ELAPOR1: variants seen among roughly 807,000 people sequenced by gnomAD.
ELAPOR1 encodes the protein endosome-lysosome associated apoptosis and autophagy regulator 1, also known as endosome/lysosome-associated apoptosis and autophagy regulator 1.
A neutral mutation model predicts 119.7 loss-of-function variants in ELAPOR1; 77 were observed. That is an observed-to-expected ratio of 0.64 (90% CI 0.54 to 0.78). The LOEUF (loss-of-function observed/expected upper bound fraction) is 0.78. Among genes scored for constraint, ELAPOR1 ranks in the 30% least tolerant of loss-of-function variants. The pLI, the probability that ELAPOR1 is intolerant of heterozygous loss-of-function variation, is 0.00. For missense variants in ELAPOR1, 1,115 were observed against 1,270.4 expected (o/e 0.88, Z 1.86); for synonymous variants, 481 against 487.2 (o/e 0.99, Z 0.17).
intron 18 of ELAPOR1, 36 bp from the exon 19 acceptor site, chr1:109,199,818 C>A: frequency 6.2e-7 from 1 of 1,603,012 alleles, no homozygotes; most frequent in Non-Finnish European, 8.5e-7. Context: ...ACCCCTCCAG[C>A]GAGTGAGAGC....
intron 1 of ELAPOR1, among the ~76,000 whole-genome samples, chr1:109,122,160 G>C (rs1648468677): frequency 6.7e-6 from 1 of 150,290 alleles, no homozygotes; most frequent in Non-Finnish European, 1.5e-5. Flanking sequence ...GCCTGTGCCT[G>C]TCGGGTTCAA....
chr1:109,161,377 T>C (rs961261071), intron 1 of ELAPOR1, among the ~76,000 whole-genome samples: 6 of 121,402 alleles, frequency 4.9e-5, no homozygotes, highest in Non-Finnish European at 6.3e-5. Context: ...CCCACTGCAC[T>C]CCAGCCTGGG....
intron 8 of ELAPOR1, 141 bp from the exon 9 acceptor site, chr1:109,188,036 C>T: frequency 7.0e-7 from 1 of 1,425,378 alleles, no homozygotes; most frequent in Non-Finnish European, 9.2e-7. Flanking sequence ...ATCCGTGAGC[C>T]ACACAAAGTT....
At chr1:109,194,298 C>A in intron 14 of ELAPOR1, 123 bp from the exon 15 acceptor site, 3 of 774,566 alleles carry the variant, frequency 3.9e-6, no homozygotes, top group Non-Finnish European at 6.3e-6. Flanking sequence ...ACTCCTAATC[C>A]TTTCTTCCTC....
intron 7 of ELAPOR1, 68 bp from the exon 8 acceptor site, chr1:109,184,977 C>A (rs2101094477): frequency 8.2e-7 from 1 of 1,215,680 alleles, no homozygotes. Flanking sequence ...GTCACAGGGC[C>A]ATGAAGAGGC....
At chr1:109,153,691 G>C (rs563248751) in intron 1 of ELAPOR1, among the ~76,000 whole-genome samples, 2 of 152,180 alleles carry the variant, frequency 1.3e-5, no homozygotes, top group East Asian at 3.9e-4. Flanking sequence ...CCAGGCTGGA[G>C]TGCAATGGTG....
intron 1 of ELAPOR1, among the ~76,000 whole-genome samples, chr1:109,154,847 A>G (rs1475508105): frequency 6.6e-6 from 1 of 152,164 alleles, no homozygotes; most frequent in Non-Finnish European, 1.5e-5. Flanking sequence ...AACCACCATC[A>G]CTTGGAAGAG....
chr1:109,174,407 T>C (rs1228140589), intron 7 of ELAPOR1, among the ~76,000 whole-genome samples: 10 of 68,250 alleles, frequency 1.5e-4, no homozygotes, highest in Admixed American at 5.6e-4. Flanking sequence ...AGTAAGACCC[T>C]GTCTCTAAAA....
intron 14 of ELAPOR1, among the ~76,000 whole-genome samples, chr1:109,193,193 C>A (rs1653560814): frequency 6.6e-6 from 1 of 152,064 alleles, no homozygotes; most frequent in South Asian, 2.1e-4. Flanking sequence ...TGGGGTGAGG[C>A]CTGTGGCTTA....
At position 109,173,841 on chromosome 1, in the gene ELAPOR1, A is replaced by G; in HGVS notation, c.952+4A>G. 6.2e-7 allele frequency: 1 copy of G among 1,613,680 alleles called. No homozygotes were observed. Among genetic ancestry groups the G allele is most frequent in the Non-Finnish European group, 8.5e-7 (1 of 1,179,802 alleles). On this transcript the variant is annotated splice_donor_region_variant and intron_variant, in intron 7 of 21. Transcript: ENST00000369939. ...TGTGACCCTGACAAATACTCAGGTG[A>G]TGTTTCTGAGGGTGGGAAGAGTTTG...
chr1:109,157,285 T>C (rs1177471208), intron 1 of ELAPOR1, among the ~76,000 whole-genome samples: 1 of 152,198 alleles, frequency 6.6e-6, no homozygotes, highest in Non-Finnish European at 1.5e-5. Context: ...GCTGTGTGGC[T>C]TTGAGCAAGT....
intron 15 of ELAPOR1, 105 bp downstream of exon 15, chr1:109,194,699 G>C (rs1157336943): frequency 1.6e-5 from 16 of 977,154 alleles, no homozygotes; most frequent in Non-Finnish European, 2.5e-5. Context: ...AGGTAGCAGG[G>C]GGTTGAGGAG....
At chr1:109,165,442 A>G (rs6659833) in intron 3 of ELAPOR1, among the ~76,000 whole-genome samples, 71,006 of 151,786 alleles carry the variant, frequency 0.47, 17,660 homozygotes, top group African/African-American at 0.65. Context: ...AAAATTAGCC[A>G]GGCCTGGTGG....
chr1:109,140,509 C>G (rs894200445), intron 1 of ELAPOR1, among the ~76,000 whole-genome samples: 2 of 152,140 alleles, frequency 1.3e-5, no homozygotes, highest in Non-Finnish European at 2.9e-5. Flanking sequence ...TGGCTATAGC[C>G]TAGAGAATGG....
chr1:109,185,655 A>T (rs2101096394), intron 8 of ELAPOR1, among the ~76,000 whole-genome samples: 1 of 152,310 alleles, frequency 6.6e-6, no homozygotes, highest in South Asian at 2.1e-4. Flanking sequence ...GCTGACTGAT[A>T]TGTCAGGCCT....
At chr1:109,195,710 T>C (rs1653749960) in intron 15 of ELAPOR1, among the ~76,000 whole-genome samples, 1 of 152,206 alleles carries the variant, frequency 6.6e-6, no homozygotes, top group Non-Finnish European at 1.5e-5. Flanking sequence ...ATGAAATGCT[T>C]TATAAGGAAA....
In ELAPOR1 at chr1:109,200,868, C is replaced by A; in HGVS notation, c.2941C>A (p.Leu981Ile). The A allele has an allele frequency of 6.2e-7, 1 of 1,614,178 alleles. No individual in the cohort carries two copies. Among genetic ancestry groups the A allele is most frequent in the Non-Finnish European group, 8.5e-7 (1 of 1,180,010 alleles). The change falls in exon 21 of 22, where the codon CTC (leucine) becomes ATC (isoleucine). Residue 981 changes from leucine (L) to isoleucine (I), a missense_variant. By Grantham distance (5) the Leu-to-Ile change is conservative. Coordinates refer to ENST00000369939, the MANE Select transcript of ELAPOR1 (RefSeq NM_020775.5). The part of the protein sequence containing the change: ...DDLIFTSKKS[L>I]FGKIKSFTSK... Reference sequence around the variant, plus strand: ...CCTCATCTTTACCAGCAAGAAGTCACTCTTTGGGAAGATCAAATCATTTAC... The same window carrying A: ...CCTCATCTTTACCAGCAAGAAGTCAATCTTTGGGAAGATCAAATCATTTAC...
At chr1:109,177,100 C>T (rs1188673230) in intron 7 of ELAPOR1, among the ~76,000 whole-genome samples, 1 of 147,542 alleles carries the variant, frequency 6.8e-6, no homozygotes, top group Admixed American at 6.7e-5. Flanking sequence ...CATCATGGCC[C>T]GTTCTCAATG....
chr1:109,177,949 T>C (rs980157086), intron 7 of ELAPOR1, among the ~76,000 whole-genome samples: 1 of 152,156 alleles, frequency 6.6e-6, no homozygotes, highest in Non-Finnish European at 1.5e-5. Flanking sequence ...TCTATTTTCC[T>C]TCTGCCACTG....
Sources: allele counts gnomAD v4.1 joint callset (sites outside exome capture counted in the v4.1 genomes callset), GRCh38; gene constraint gnomAD v4.1.1; transcripts MANE v1.5; gene names NCBI Gene and HGNC (gene_info 2026-07-23, HGNC 2026-07-21).